Variants in FSIP1 observed in about 807,000 individuals in gnomAD.
FSIP1 encodes the protein fibrous sheath-interacting protein 1.
A neutral mutation model predicts 60.9 loss-of-function variants in FSIP1; 65 were observed. The observed-to-expected ratio is 1.07, with a 90% CI of 0.87 to 1.31. The LOEUF (loss-of-function observed/expected upper bound fraction) is 1.31, where lower values mean the gene tolerates loss of function less well. FSIP1 is among the 40% of genes most tolerant of loss of function. The pLI, the probability that FSIP1 is intolerant of heterozygous loss-of-function variation, is 0.00. For synonymous variants in FSIP1, 209 were observed against 221.2 expected, an observed-to-expected ratio of 0.94 and a Z score of 0.49; for missense variants, 675 against 665.5, an observed-to-expected ratio of 1.01 and a Z score of -0.16.
intron 10 of FSIP1, among the ~76,000 whole-genome samples, chr15:39,626,542 T>C (rs1891646323): frequency 6.6e-6 from 1 of 152,162 alleles, no homozygotes; most frequent in Non-Finnish European, 1.5e-5. Flanking sequence ...GTAATCCTCA[T>C]GTGCTGAGGG....
chr15:39,683,105 T>G (rs115822031), intron 10 of FSIP1, among the ~76,000 whole-genome samples: 1 of 152,172 alleles, frequency 6.6e-6, no homozygotes, highest in South Asian at 2.1e-4. Context: ...CAGCAGAAGT[T>G]AACAGGGTGG....
chr15:39,647,907 C>T (rs548216484), intron 10 of FSIP1, among the ~76,000 whole-genome samples: 40 of 151,932 alleles, frequency 2.6e-4, no homozygotes, highest in African/African-American at 9.2e-4. Flanking sequence ...ATTAATATCA[C>T]TACGCTTTGC....
At chr15:39,722,299 G>A (rs971692371) in intron 9 of FSIP1, among the ~76,000 whole-genome samples, 1 of 151,754 alleles carries the variant, frequency 6.6e-6, no homozygotes, top group African/African-American at 2.4e-5. Context: ...CTCCCACTGA[G>A]TCTACATTAT....
At chr15:39,640,749 A>G (rs1283655200) in intron 10 of FSIP1, among the ~76,000 whole-genome samples, 1 of 151,432 alleles carries the variant, frequency 6.6e-6, no homozygotes, top group African/African-American at 2.4e-5. Flanking sequence ...AAAAATGGAA[A>G]TGACATACAG....
intron 1 of FSIP1, among the ~76,000 whole-genome samples, chr15:39,780,076 C>A (rs1898197603): frequency 6.6e-6 from 1 of 152,144 alleles, no homozygotes; most frequent in Admixed American, 6.5e-5. Flanking sequence ...AGTCAAAATT[C>A]GGCTTATCCC....
intron 10 of FSIP1, among the ~76,000 whole-genome samples, chr15:39,661,596 G>A (rs571546714): frequency 1.3e-5 from 2 of 152,256 alleles, no homozygotes; most frequent in African/African-American, 2.4e-5. Context: ...TGGACAGTAC[G>A]AGTGGAAATT....
At chr15:39,715,317 T>G (rs1895698274) in intron 9 of FSIP1, among the ~76,000 whole-genome samples, 1 of 152,122 alleles carries the variant, frequency 6.6e-6, no homozygotes, top group Non-Finnish European at 1.5e-5. Context: ...TAATATTCCC[T>G]GACATACCCA....
chr15:39,778,820 T>C (rs576283391), intron 1 of FSIP1, among the ~76,000 whole-genome samples: 5 of 151,986 alleles, frequency 3.3e-5, no homozygotes, highest in African/African-American at 9.6e-5. Flanking sequence ...ACATAATACT[T>C]TAATAAAAGT....
At chr15:39,778,672 A>G (rs773190194) in intron 1 of FSIP1, among the ~76,000 whole-genome samples, 13 of 152,360 alleles carry the variant, frequency 8.5e-5, no homozygotes, top group East Asian at 1.9e-4. Flanking sequence ...TGTTGATTTA[A>G]CCAAATATTA....
At chr15:39,776,307 A>G in intron 2 of FSIP1, 92 bp downstream of exon 2, 1 of 1,267,860 alleles carries the variant, frequency 7.9e-7, no homozygotes, top group Non-Finnish European at 1.1e-6. Context: ...CTAAGGAGAA[A>G]ATTTAAAATG....
intron 5 of FSIP1, among the ~76,000 whole-genome samples, chr15:39,753,708 T>C (rs1897228831): frequency 6.6e-6 from 1 of 151,914 alleles, no homozygotes; most frequent in South Asian, 2.1e-4. Context: ...ATAGGAATAA[T>C]TGTTAAAAAG....
At chr15:39,642,836 A>G (rs899801033) in intron 10 of FSIP1, among the ~76,000 whole-genome samples, 1 of 152,220 alleles carries the variant, frequency 6.6e-6, no homozygotes, top group Non-Finnish European at 1.5e-5. Flanking sequence ...GGCAAAGTGT[A>G]TAAACTCACT....
chr15:39,664,494 G>A (rs1266792506), intron 10 of FSIP1, among the ~76,000 whole-genome samples: 1 of 152,068 alleles, frequency 6.6e-6, no homozygotes. Flanking sequence ...TGTAGCCAAG[G>A]AGCTGAATAT....
intron 5 of FSIP1, among the ~76,000 whole-genome samples, chr15:39,756,218 T>C (rs757729568): frequency 6.6e-6 from 1 of 152,188 alleles, no homozygotes; most frequent in Non-Finnish European, 1.5e-5. Flanking sequence ...TAAAAGTAAA[T>C]GCACTATCCA....
At chr15:39,719,543 C>A (rs7180740) in intron 9 of FSIP1, among the ~76,000 whole-genome samples, 2 of 152,106 alleles carry the variant, frequency 1.3e-5, no homozygotes, top group African/African-American at 4.8e-5. Context: ...TCAAAAACAG[C>A]AAATTACCCG....
At chr15:39,739,611 T>G (rs1896736036) in intron 7 of FSIP1, 54 bp downstream of exon 7, 4 of 1,525,882 alleles carry the variant, frequency 2.6e-6, no homozygotes, top group Middle Eastern at 1.7e-4. Flanking sequence ...CTATTGCCAT[T>G]TTTTTCAACT....
chr15:39,661,284 T>TA lies in FSIP1; in HGVS notation c.1189-43040dup, dbSNP rs1468970302. On this transcript the variant is annotated intron_variant, in intron 10 of 11. Coordinates refer to ENST00000350221, the MANE Select transcript of FSIP1 (RefSeq NM_152597.5). ...ATATAGAACAGGGTTAACTTCTACT[T>TA]ACGTCACATCCAAATGATGAGATGG... Among the ~76,000 whole-genome samples the TA allele has an allele frequency of 8.5e-5, 13 of 152,326 alleles. No individual in the cohort carries two copies. The South Asian group carries it at 1.4e-3, about 17-fold the overall frequency.
intron 9 of FSIP1, among the ~76,000 whole-genome samples, chr15:39,721,635 T>A (rs946338571): frequency 6.6e-6 from 1 of 152,198 alleles, no homozygotes; most frequent in Non-Finnish European, 1.5e-5. Context: ...GTATTGACGA[T>A]CTCTGCAAAG....
rs71132108 is a variant in FSIP1 at position 39,646,520 on chromosome 15, CAAAAAAAAAAAAAAA to C, written c.1189-28290_1189-28276del. Among the ~76,000 whole-genome samples, 7 of 27,116 alleles carry C rather than the reference CAAAAAAAAAAAAAAA, an allele frequency of 2.6e-4. No homozygotes were observed. In the South Asian group the frequency reaches 0.012, roughly 47 times the overall value. The allele number at this position is 27,116 out of a possible 152,430, so 17.8% of individuals were successfully genotyped here. A position where few individuals can be genotyped will look rare whatever the true frequency, so the allele number is the denominator to read the frequency against. On this transcript the variant is annotated intron_variant, in intron 10 of 11. Coordinates refer to ENST00000350221, the MANE Select transcript of FSIP1 (RefSeq NM_152597.5). ...GTAACATAGCGAGACCTCATCTCTA[CAAAAAAAAAAAAAAA>C]AAAAAAAAAAAAGGCTGCGTTTGGT... is the stretch of plus-strand genomic sequence containing the variant.
Sources: gnomAD v4.1 joint callset for allele counts (sites outside exome capture counted in the v4.1 genomes callset) on GRCh38, gnomAD v4.1.1 for gene constraint, MANE v1.5 for transcripts, NCBI Gene and HGNC (gene_info 2026-07-23, HGNC 2026-07-21) for gene names.